OR56B4: variants seen among roughly 807,000 people sequenced by gnomAD.
The protein encoded by OR56B4 is olfactory receptor family 56 subfamily B member 4.
For synonymous variants in OR56B4, 142 were observed against 149.5 expected (o/e 0.95, Z 0.37); for missense variants, 447 against 384.6 (o/e 1.16, Z -1.36).
At position 6,108,142 on chromosome 11, in the gene OR56B4, C is replaced by T. The variant is rs768595744; in HGVS notation, c.364C>T (p.Leu122Phe). The T allele has an allele frequency of 2.5e-6, 4 of 1,614,170 alleles. No homozygotes were observed. Among genetic ancestry groups the T allele is most frequent in the Non-Finnish European group, 3.4e-6 (4 of 1,180,034 alleles). Reference protein sequence around the residue: ...CFFCIESGIFLCMAVDRYIAI... With the variant: ...CFFCIESGIFFCMAVDRYIAI... ...CTTCTGCATAGAGTCAGGCATCTTT[C>T]TCTGCATGGCAGTAGACAGATACAT... The change falls in exon 1 of 1, where the codon CTC becomes TTC. Residue 122 changes from leucine to phenylalanine, a missense_variant. Transcript: ENST00000316529.
rs767533866 is a variant in OR56B4, at chr11:6,107,944, C to T, written c.166C>T (p.Gln56Ter). ...CAATCTCCTCATCATAATCACCATT[C>T]AACATGAGACCGTGCTACATGAACC... ...GANLLIIITI[Q>*]HETVLHEPMY... is the part of the protein sequence containing the mutation. Residue 56 changes from glutamine to a stop codon, truncating the protein, a stop_gained, in exon 1 of 1, where the codon CAA (glutamine) becomes TAA (stop). Transcript: ENST00000316529. LOFTEE classifies it low-confidence loss of function (END_TRUNC). The T allele has an allele frequency of 6.2e-7, 1 of 1,614,052 alleles. No homozygotes were observed. The highest frequency in any genetic ancestry group is 8.5e-7 in the Non-Finnish European group (1 of 1,179,978).
In OR56B4 at chr11:6,108,615, C is replaced by A; in HGVS notation, c.837C>A (p.Phe279Leu). ...AAAAGATTCCCCTTATTCCTGTGTT[C>A]CTTAATGTGCTGCACAATGTCATCC... ...AEKKIPLIPVFLNVLHNVIPP... is the reference protein window; with the variant it reads ...AEKKIPLIPVLLNVLHNVIPP... The change falls in exon 1 of 1, where the codon TTC becomes TTA. Residue 279 changes from phenylalanine (F) to leucine (L), a missense_variant. Coordinates refer to ENST00000316529, the MANE Select transcript of OR56B4 (RefSeq NM_001005181.2). The A allele has an allele frequency of 6.2e-7, 1 of 1,614,126 alleles. No homozygotes were observed. Among genetic ancestry groups the A allele is most frequent in the African/African-American group, 1.3e-5 (1 of 75,018 alleles).
Position 6,108,155 on chromosome 11 carries a change from T to C in OR56B4, c.377T>C (p.Val126Ala). The C allele has an allele frequency of 1.2e-6, 2 of 1,614,150 alleles. No individual in the cohort carries two copies. The highest frequency in any genetic ancestry group is 1.7e-6 in the Non-Finnish European group (2 of 1,180,004). The change falls in exon 1 of 1, where the codon GTA (valine) becomes GCA (alanine). Residue 126 changes from valine (V) to alanine (A), a missense_variant. By Grantham distance (64) the Val-to-Ala change is moderately conservative. Transcript: ENST00000316529. ...TCAGGCATCTTTCTCTGCATGGCAGTAGACAGATACATAGCCATCTGTCGC... is the reference window on the plus strand; with the variant it reads ...TCAGGCATCTTTCTCTGCATGGCAGCAGACAGATACATAGCCATCTGTCGC... ...IESGIFLCMA[V>A]DRYIAICRPL...
Position 6,107,970 on chromosome 11 carries a change from C to T in OR56B4, c.192C>T (p.Pro64=). Residue 64 remains proline, a synonymous_variant, in exon 1 of 1, where the codon CCC becomes CCT. Coordinates refer to ENST00000316529, the MANE Select transcript of OR56B4 (RefSeq NM_001005181.2). ...TIQHETVLHE[P]MYHLLGILAV... is the part of the protein sequence containing the mutation. ...AACATGAGACCGTGCTACATGAACC[C>T]ATGTACCATTTGCTGGGCATATTAG... 1 of 1,614,072 alleles carries T rather than the reference C, an allele frequency of 6.2e-7. No homozygotes were observed. The highest frequency in any genetic ancestry group is 8.5e-7 in the Non-Finnish European group (1 of 1,179,990).
chr11:6,107,916 T>C lies in OR56B4; in HGVS notation c.138T>C (p.Gly46=). 1.2e-6 allele frequency: 2 copies of C among 1,614,112 alleles called. No individual in the cohort carries two copies. The highest frequency in any genetic ancestry group is 1.7e-4 in the Middle Eastern group (1 of 6,046). ...CTCTGCTCTACCTCTTAGCTCTTGGTGCCAATCTCCTCATCATAATCACCA... is the reference window on the plus strand; with the variant it reads ...CTCTGCTCTACCTCTTAGCTCTTGGCGCCAATCTCCTCATCATAATCACCA... ...PLTLLYLLAL[G]ANLLIIITIQ... The change falls in exon 1 of 1, where the codon GGT becomes GGC. Residue 46 remains glycine, a synonymous_variant. Coordinates refer to ENST00000316529, the MANE Select transcript of OR56B4 (RefSeq NM_001005181.2).
Position 6,108,588 on chromosome 11 carries a change from G to C in OR56B4, c.810G>C (p.Glu270Asp), listed in dbSNP as rs750430492. 2.5e-5 allele frequency: 41 copies of C among 1,613,964 alleles called. No homozygotes were observed. The highest frequency in any genetic ancestry group is 3.3e-5 in the Non-Finnish European group (39 of 1,179,994). ...IIVLSVTHLAEKKIPLIPVFL... is the reference protein window; with the variant it reads ...IIVLSVTHLADKKIPLIPVFL... ...TGCTGTCTGTCACACACCTTGCAGA[G>C]AAAAAGATTCCCCTTATTCCTGTGT... The change falls in exon 1 of 1, where the codon GAG becomes GAC. Residue 270 changes from glutamate to aspartate, a missense_variant. By Grantham distance (45) the Glu-to-Asp change is conservative (BLOSUM62 2). Transcript: ENST00000316529.
rs1849024931 is a variant in OR56B4 at position 6,108,111 on chromosome 11, C to G, written c.333C>G (p.His111Gln). 3.1e-6 allele frequency: 5 copies of G among 1,614,056 alleles called. No individual in the cohort carries two copies. In the Admixed American group the frequency reaches 5.0e-5, roughly 16 times the overall value. ...GTTTTGCTCAGATCTATGCCATCCA[C>G]TGCTTCTTCTGCATAGAGTCAGGCA... Reference protein sequence around the residue: ...PMCFAQIYAIHCFFCIESGIF... With the variant: ...PMCFAQIYAIQCFFCIESGIF... The change falls in exon 1 of 1, where the codon CAC becomes CAG. Residue 111 changes from histidine (H) to glutamine (Q), a missense_variant. His to Gln is a conservative substitution (Grantham distance 24). Transcript: ENST00000316529.
At position 6,108,408 on chromosome 11, in the gene OR56B4, G is replaced by A. The variant is rs1211908331; in HGVS notation, c.630G>A (p.Trp210Ter). Residue 210 changes from tryptophan to a stop codon, truncating the protein, a stop_gained, in exon 1 of 1, where the codon TGG (tryptophan) becomes TGA (stop). Coordinates refer to ENST00000316529, the MANE Select transcript of OR56B4 (RefSeq NM_001005181.2). LOFTEE classifies it low-confidence loss of function (END_TRUNC). ...AATTTTACCAACTGATGCTAGCATG[G>A]GTCTTGGTTGGGAGTGATATGGCTC... ...VNKFYQLMLA[W>*]VLVGSDMALV... The A allele has an allele frequency of 6.8e-6, 11 of 1,613,922 alleles. No individual in the cohort carries two copies. The East Asian group carries it at 1.1e-4, about 16-fold the overall frequency.
Position 6,108,265 on chromosome 11 carries a change from A to G in OR56B4, c.487A>G (p.Ile163Val). 1 of 1,614,182 alleles carries G rather than the reference A, an allele frequency of 6.2e-7. No individual in the cohort carries two copies. Among genetic ancestry groups the G allele is most frequent in the Non-Finnish European group, 8.5e-7 (1 of 1,180,030 alleles). The change falls in exon 1 of 1, where the codon ATC (isoleucine) becomes GTC (valine). Residue 163 changes from isoleucine to valine, a missense_variant. Ile to Val is a conservative substitution (Grantham distance 29, BLOSUM62 3). Coordinates refer to ENST00000316529, the MANE Select transcript of OR56B4 (RefSeq NM_001005181.2). ...CATGCTCAGGAATGGCCTGTTGACC[A>G]TCCCAGTGCCTATACTGGCTGCCCA... ...FIMLRNGLLT[I>V]PVPILAAQRH...
In OR56B4 at chr11:6,108,399, G is replaced by A; in HGVS notation, c.621G>A (p.Met207Ile). 1.2e-6 allele frequency: 2 copies of A among 1,614,006 alleles called. No individual in the cohort carries two copies. Among genetic ancestry groups the A allele is most frequent in the East Asian group, 4.5e-5 (2 of 44,894 alleles). ...CTGTGAACAAATTTTACCAACTGAT[G>A]CTAGCATGGGTCTTGGTTGGGAGTG... ...DITVNKFYQL[M>I]LAWVLVGSDM... is the part of the protein sequence containing the mutation. The change falls in exon 1 of 1, where the codon ATG (methionine) becomes ATA (isoleucine). Residue 207 changes from methionine to isoleucine, a missense_variant. Coordinates refer to ENST00000316529, the MANE Select transcript of OR56B4 (RefSeq NM_001005181.2).
Position 6,108,724 on chromosome 11 carries a change from G to C in OR56B4, c.946G>C (p.Asp316His). The C allele has an allele frequency of 6.2e-7, 1 of 1,613,784 alleles. No individual in the cohort carries two copies. The highest frequency in any genetic ancestry group is 8.5e-7 in the Non-Finnish European group (1 of 1,179,764). ...TCAGAGACTGCTTGGACTGGGTCAG[G>C]ACGTGTCCAAGTAACTCCAGCTTTA... ...GFQRLLGLGQDVSK is the reference protein window; with the variant it reads ...GFQRLLGLGQHVSK The change falls in exon 1 of 1, where the codon GAC becomes CAC. Residue 316 changes from aspartate (D) to histidine (H), a missense_variant. Coordinates refer to ENST00000316529, the MANE Select transcript of OR56B4 (RefSeq NM_001005181.2).
Position 6,108,246 on chromosome 11 carries a change from C to T in OR56B4, c.468C>T (p.Leu156=), listed in dbSNP as rs759934805. The T allele has an allele frequency of 1.2e-6, 2 of 1,614,196 alleles. No individual in the cohort carries two copies. The highest frequency in any genetic ancestry group is 2.2e-5 in the South Asian group (2 of 91,080). The stretch of plus-strand genomic sequence containing the variant: ...TCAAAGCCACAGGGTTCATCATGCT[C>T]AGGAATGGCCTGTTGACCATCCCAG... ...FVFKATGFIM[L]RNGLLTIPVP... The change falls in exon 1 of 1, where the codon CTC becomes CTT. Residue 156 remains leucine, a synonymous_variant. Transcript: ENST00000316529.
rs374580066 is a variant in OR56B4 at position 6,108,277 on chromosome 11, A to C, written c.499A>C (p.Ile167Leu). 1 of 1,614,042 alleles carries C rather than the reference A, an allele frequency of 6.2e-7. No homozygotes were observed. Among genetic ancestry groups the C allele is most frequent in the Non-Finnish European group, 8.5e-7 (1 of 1,180,018 alleles). Residue 167 changes from isoleucine to leucine, a missense_variant, in exon 1 of 1, where the codon ATA (isoleucine) becomes CTA (leucine). Transcript: ENST00000316529. ...TGGCCTGTTGACCATCCCAGTGCCT[A>C]TACTGGCTGCCCAGAGACACTACTG... The part of the protein sequence containing the change: ...RNGLLTIPVP[I>L]LAAQRHYCSR...
Position 6,107,788 on chromosome 11 carries a change from T to C in OR56B4, c.10T>C (p.Ser4Pro). The change falls in exon 1 of 1, where the codon TCC becomes CCC. Residue 4 changes from serine to proline, a missense_variant. By Grantham distance (74) the Ser-to-Pro change is moderately conservative. Coordinates refer to ENST00000316529, the MANE Select transcript of OR56B4 (RefSeq NM_001005181.2). Reference sequence around the variant, plus strand: ...CTGAGGCACCCATTCCATGGATACCTCCACCAGTGTTACCTATGACTCCAG... The same window carrying C: ...CTGAGGCACCCATTCCATGGATACCCCCACCAGTGTTACCTATGACTCCAG... Reference protein sequence around the residue: MDTSTSVTYDSSLQ... With the variant: MDTPTSVTYDSSLQ... 2 of 1,609,760 alleles carry C rather than the reference T, an allele frequency of 1.2e-6. No individual in the cohort carries two copies. Among genetic ancestry groups the C allele is most frequent in the Non-Finnish European group, 1.7e-6 (2 of 1,177,526 alleles).
Position 6,108,222 on chromosome 11 carries a change from C to T in OR56B4, c.444C>T (p.Phe148=). 1 of 1,614,186 alleles carries T rather than the reference C, an allele frequency of 6.2e-7. No individual in the cohort carries two copies. Among genetic ancestry groups the T allele is most frequent in the Non-Finnish European group, 8.5e-7 (1 of 1,180,032 alleles). ...YPSIVTKAFV[F]KATGFIMLRN... is the part of the protein sequence containing the mutation. ...CCATAGTCACTAAAGCTTTTGTCTT[C>T]AAAGCCACAGGGTTCATCATGCTCA... The change falls in exon 1 of 1, where the codon TTC becomes TTT. Residue 148 remains phenylalanine, a synonymous_variant. Coordinates refer to ENST00000316529, the MANE Select transcript of OR56B4 (RefSeq NM_001005181.2).
In OR56B4 at chr11:6,107,796, T is replaced by G; in HGVS notation, c.18T>G (p.Ser6Arg). 6.2e-7 allele frequency: 1 copy of G among 1,611,844 alleles called. No individual in the cohort carries two copies. Among genetic ancestry groups the G allele is most frequent in the Non-Finnish European group, 8.5e-7 (1 of 1,178,690 alleles). Residue 6 changes from serine (S) to arginine (R), a missense_variant, in exon 1 of 1, where the codon AGT (serine) becomes AGG (arginine). Transcript: ENST00000316529. The part of the protein sequence containing the change: MDTST[S>R]VTYDSSLQIS... ...CCCATTCCATGGATACCTCCACCAG[T>G]GTTACCTATGACTCCAGCCTCCAGA...
Position 6,108,566 on chromosome 11 carries a change from T to C in OR56B4, c.788T>C (p.Leu263Pro). The stretch of plus-strand genomic sequence containing the variant: ...CTCTTCCACACAGGTATCATTGTGC[T>C]GTCTGTCACACACCTTGCAGAGAAA... The part of the protein sequence containing the change: ...LILFHTGIIV[L>P]SVTHLAEKKI... The change falls in exon 1 of 1, where the codon CTG becomes CCG. Residue 263 changes from leucine to proline, a missense_variant. Transcript: ENST00000316529. 6.2e-7 allele frequency: 1 copy of C among 1,614,162 alleles called. No individual in the cohort carries two copies. The highest frequency in any genetic ancestry group is 8.5e-7 in the Non-Finnish European group (1 of 1,179,992).
chr11:6,108,620 A>G lies in OR56B4; in HGVS notation c.842A>G (p.Asn281Ser). ...KKIPLIPVFL[N>S]VLHNVIPPAL... Reference sequence around the variant, plus strand: ...ATTCCCCTTATTCCTGTGTTCCTTAATGTGCTGCACAATGTCATCCCCCCT... The same window carrying G: ...ATTCCCCTTATTCCTGTGTTCCTTAGTGTGCTGCACAATGTCATCCCCCCT... Residue 281 changes from asparagine (N) to serine (S), a missense_variant, in exon 1 of 1, where the codon AAT becomes AGT. Transcript: ENST00000316529. 1 of 1,613,982 alleles carries G rather than the reference A, an allele frequency of 6.2e-7. No individual in the cohort carries two copies. The highest frequency in any genetic ancestry group is 2.2e-5 in the East Asian group (1 of 44,878).
In OR56B4 at chr11:6,108,342, G is replaced by C; in HGVS notation, c.564G>C (p.Leu188Phe). 6.2e-7 allele frequency: 1 copy of C among 1,614,176 alleles called. No individual in the cohort carries two copies. Among genetic ancestry groups the C allele is most frequent in the Non-Finnish European group, 8.5e-7 (1 of 1,180,038 alleles). ...TCGAGCACTGCCTCTGCTCTAACTT[G>C]GGGGTTATCAGCCTGGCTTGTGATG... ...NEIEHCLCSNLGVISLACDDI... is the reference protein window; with the variant it reads ...NEIEHCLCSNFGVISLACDDI... Residue 188 changes from leucine to phenylalanine, a missense_variant, in exon 1 of 1, where the codon TTG (leucine) becomes TTC (phenylalanine). Physicochemically the swap from Leu to Phe is conservative, Grantham distance 22 (BLOSUM62 0). Transcript: ENST00000316529.
Sources: allele counts gnomAD v4.1 joint callset, GRCh38; gene constraint gnomAD v4.1.1; transcripts MANE v1.5; gene names NCBI Gene and HGNC (gene_info 2026-07-23, HGNC 2026-07-21).